The following CEMIP variants were observed in gnomAD, a reference collection of about 807,000 sequenced individuals.
The protein encoded by CEMIP is cell migration inducing hyaluronidase 1, also known as cell migration-inducing and hyaluronan-binding protein.
CEMIP carries 105 observed loss-of-function variants against 156.9 expected under a neutral mutation model. The ratio of observed to expected loss-of-function variants is 0.67; its 90% CI spans 0.57 to 0.79. The LOEUF is 0.79. CEMIP is among the 30% of genes least tolerant of loss of function. The pLI is 0.00. For missense variants in CEMIP, 1,457 were observed against 1,769.4 expected (o/e 0.82, Z 3.17); for synonymous variants, 676 against 668.4 (o/e 1.01, Z -0.17).
intron 1 of CEMIP, among the ~76,000 whole-genome samples, chr15:80,836,176 T>C (rs1267224019): frequency 6.6e-6 from 1 of 152,096 alleles, no homozygotes; most frequent in Non-Finnish European, 1.5e-5. Context: ...TGCATTTTCC[T>C]GGCCTTAAAA....
intron 1 of CEMIP, among the ~76,000 whole-genome samples, chr15:80,844,099 G>A (rs1033002412): frequency 4.6e-5 from 7 of 152,250 alleles, no homozygotes; most frequent in African/African-American, 1.7e-4. Context: ...GGAAGGCAGA[G>A]CACTAAGGCT....
chr15:80,933,483 C>G, intron 23 of CEMIP, 23 bp downstream of exon 23: 1 of 1,584,520 alleles, frequency 6.3e-7, no homozygotes, highest in Non-Finnish European at 8.7e-7. Context: ...TTCTGGGGGC[C>G]GGCCACTCAC....
chr15:80,787,200 G>C (rs539854823), intron 1 of CEMIP, among the ~76,000 whole-genome samples: 1 of 152,226 alleles, frequency 6.6e-6, no homozygotes, highest in African/African-American at 2.4e-5. Context: ...CCTTAGAAAG[G>C]GAACTGAAGA....
intron 1 of CEMIP, among the ~76,000 whole-genome samples, chr15:80,862,438 G>T (rs1898010355): frequency 6.6e-6 from 1 of 152,210 alleles, no homozygotes. Context: ...GTCGGGAGAG[G>T]TTTAAGGTGG....
chr15:80,823,369 T>A (rs1001595689), intron 1 of CEMIP, among the ~76,000 whole-genome samples: 8 of 152,204 alleles, frequency 5.3e-5, no homozygotes, highest in African/African-American at 1.7e-4. Flanking sequence ...CCTTTGGAGA[T>A]GATGCCGTCA....
At chr15:80,780,242 T>C (rs1895755972) in intron 1 of CEMIP, among the ~76,000 whole-genome samples, 1 of 152,198 alleles carries the variant, frequency 6.6e-6, no homozygotes, top group Admixed American at 6.5e-5. Context: ...TGCTGATGTT[T>C]AGACTGAGAC....
At chr15:80,925,170 T>A (rs957083440) in intron 18 of CEMIP, among the ~76,000 whole-genome samples, 2 of 152,232 alleles carry the variant, frequency 1.3e-5, no homozygotes, top group Non-Finnish European at 2.9e-5. Context: ...AGAGACAAGT[T>A]GCTTGGTCTC....
At chr15:80,845,804 G>A (rs1230188576) in intron 1 of CEMIP, among the ~76,000 whole-genome samples, 2 of 152,176 alleles carry the variant, frequency 1.3e-5, no homozygotes, top group African/African-American at 4.8e-5. Flanking sequence ...ATTAGGCGGA[G>A]CTGGATGGGA....
chr15:80,908,925 A>G (rs940879055), intron 13 of CEMIP, among the ~76,000 whole-genome samples, 172 bp from the exon 14 acceptor site: 4 of 152,234 alleles, frequency 2.6e-5, no homozygotes, highest in African/African-American at 9.6e-5. Context: ...CTTCCACAGT[A>G]TAAGAAGGGC....
chr15:80,893,968 C>A (rs917346393), intron 10 of CEMIP, among the ~76,000 whole-genome samples: 13 of 152,064 alleles, frequency 8.5e-5, no homozygotes, highest in Non-Finnish European at 1.8e-4. Context: ...TAGTCATGGT[C>A]AGGATGCAGA....
At chr15:80,838,941 G>A (rs1037374572) in intron 1 of CEMIP, among the ~76,000 whole-genome samples, 2 of 152,304 alleles carry the variant, frequency 1.3e-5, no homozygotes, top group East Asian at 1.9e-4. Context: ...CAGCCAAAGC[G>A]CTCCGTGCAT....
chr15:80,909,449 G>T, intron 14 of CEMIP, 143 bp downstream of exon 14: 1 of 841,236 alleles, frequency 1.2e-6, no homozygotes. Flanking sequence ...ATATCAACTG[G>T]GAGCAGATCA....
At chr15:80,864,567 A>G (rs1898073994) in intron 1 of CEMIP, among the ~76,000 whole-genome samples, 1 of 152,140 alleles carries the variant, frequency 6.6e-6, no homozygotes, top group Non-Finnish European at 1.5e-5. Flanking sequence ...TCATCCCTCT[A>G]ACAGACCTCT....
Position 80,896,369 on chromosome 15 carries a change from T to TG in CEMIP, c.1411+310dup, listed in dbSNP as rs1207280060. ...GGGGGAGATTGCAAACTCCTAGTGG[T>TG]GAGCAGAAACACAGAACTCTTAAGG... is the stretch of plus-strand genomic sequence containing the variant. On this transcript the variant is annotated intron_variant, in intron 12 of 29. Transcript: ENST00000394685. 7.5e-6 allele frequency: 4 copies of TG among 532,560 alleles called. No homozygotes were observed. In the African/African-American group the frequency reaches 7.5e-5, roughly 10 times the overall value. 33.0% of individuals were successfully genotyped at this position (532,560 alleles called of 1,614,324 possible). A position where few individuals can be genotyped will look rare whatever the true frequency, so the allele number is the denominator to read the frequency against.
chr15:80,854,153 C>A (rs1160197515), intron 1 of CEMIP, among the ~76,000 whole-genome samples: 1 of 152,262 alleles, frequency 6.6e-6, no homozygotes, highest in Non-Finnish European at 1.5e-5. Flanking sequence ...CTGCCAGGAC[C>A]ACTTTCTCTC....
chr15:80,857,337 G>A (rs1897876928), intron 1 of CEMIP, among the ~76,000 whole-genome samples: 1 of 152,182 alleles, frequency 6.6e-6, no homozygotes, highest in Admixed American at 6.5e-5. Context: ...GAGCCTAAGG[G>A]GCTCATTCAT....
At position 80,906,258 on chromosome 15, in the gene CEMIP, A is replaced by T. The variant is rs1899798369; in HGVS notation, c.1412-405A>T. ...GCTGGCCTGCCAGCCCCCAGAAAAG[A>T]GCAAGAGGAGGGCAGTCTGGAGGTG... On this transcript the variant is annotated intron_variant, in intron 12 of 29. Transcript: ENST00000394685. This position sits in a 1 kb window ranked among gnomAD's most constrained non-coding sequence, Gnocchi z 4.3. Among the ~76,000 whole-genome samples the T allele has an allele frequency of 6.6e-6, 1 of 152,178 alleles. No homozygotes were observed. Among genetic ancestry groups the T allele is most frequent in the African/African-American group, 2.4e-5 (1 of 41,446 alleles).
rs1216118810 is a variant in CEMIP at position 80,935,867 on chromosome 15, TAGCTGGGATTACA to T, written c.3010-803_3010-791del. ...GATTCTCCTGCCTCAGCCTCCCTAGTAGCTGGGATTACAAGCATGTGCCACCATGCCCAGCTAA... is the reference window on the plus strand; with the variant it reads ...GATTCTCCTGCCTCAGCCTCCCTAGTAGCATGTGCCACCATGCCCAGCTAA... On this transcript the variant is annotated intron_variant, in intron 23 of 29. Coordinates refer to ENST00000394685, the MANE Select transcript of CEMIP (RefSeq NM_001293298.2). Among the ~76,000 whole-genome samples, 4 of 152,328 alleles carry T rather than the reference TAGCTGGGATTACA, an allele frequency of 2.6e-5. No individual in the cohort carries two copies. In the South Asian group the frequency reaches 8.3e-4, roughly 32 times the overall value.
At chr15:80,861,702 A>T (rs755942066) in intron 1 of CEMIP, among the ~76,000 whole-genome samples, 2 of 152,262 alleles carry the variant, frequency 1.3e-5, no homozygotes, top group Non-Finnish European at 2.9e-5. Flanking sequence ...CACACATAGA[A>T]TAACTTCAGG....
Sources: allele counts gnomAD v4.1 joint callset (sites outside exome capture counted in the v4.1 genomes callset), GRCh38; gene constraint gnomAD v4.1.1; non-coding constraint Gnocchi (gnomAD v3.1); transcripts MANE v1.5; gene names NCBI Gene and HGNC (gene_info 2026-07-23, HGNC 2026-07-21).